ABCA4: variants seen among roughly 807,000 people sequenced by gnomAD.
The protein encoded by ABCA4 is retinal-specific phospholipid-transporting ATPase ABCA4.
A neutral mutation model predicts 263.7 loss-of-function variants in ABCA4; 196 were observed. The observed-to-expected ratio is 0.74, with a 90% confidence interval of 0.66 to 0.84. The LOEUF (loss-of-function observed/expected upper bound fraction) is 0.84. Among genes scored for constraint, ABCA4 ranks in the 40% least tolerant of loss-of-function variants. The pLI, the probability that ABCA4 is intolerant of heterozygous loss-of-function variation, is 0.00. For missense variants in ABCA4, 2,792 were observed against 2,855.1 expected, an observed-to-expected ratio of 0.98 and a Z score of 0.50; for synonymous variants, 1,133 against 1,094.2, an observed-to-expected ratio of 1.04 and a Z score of -0.70.
chr1:94,089,689 G>A (rs988909851), intron 6 of ABCA4, among the ~76,000 whole-genome samples: 3 of 151,814 alleles, frequency 2.0e-5, no homozygotes, highest in Non-Finnish European at 2.9e-5. Flanking sequence ...CTTGAACTCC[G>A]GACCTCAAGT....
At chr1:94,042,614 A>T in intron 22 of ABCA4, 147 bp downstream of exon 22, 1 of 1,131,256 alleles carries the variant, frequency 8.8e-7, no homozygotes, top group Non-Finnish European at 1.3e-6. Context: ...GCTGGAACTT[A>T]GATTCACCAA....
In ABCA4 at chr1:94,031,907, A is replaced by G. The variant is rs776428075; in HGVS notation, c.3999T>C (p.Pro1333=). ...GGCCTGGGCACTCTGGCTCTGGGGG[A>G]GGCTGGCCCTCTGGGTGAGCAGCCG... ...GAPAAHPEGQ[P]PPEPECPGPQ... Residue 1333 remains proline, a synonymous_variant, in exon 27 of 50, where the codon CCT becomes CCC. Transcript: ENST00000370225. 1 of 1,613,946 alleles carries G rather than the reference A, an allele frequency of 6.2e-7. No individual in the cohort carries two copies. Among genetic ancestry groups the G allele is most frequent in the African/African-American group, 1.3e-5 (1 of 74,890 alleles).
At chr1:94,062,828 C>A in intron 12 of ABCA4, 75 bp from the exon 13 acceptor site, 1 of 1,471,546 alleles carries the variant, frequency 6.8e-7, no homozygotes, top group Non-Finnish European at 9.4e-7. Context: ...CACAGGGTGA[C>A]TCGGAACTCA....
chr1:94,088,388 C>T (rs1415622317), intron 6 of ABCA4, among the ~76,000 whole-genome samples: 12 of 152,190 alleles, frequency 7.9e-5, no homozygotes, highest in Admixed American at 5.9e-4. Context: ...CCCGGATAGT[C>T]TCATTTCCTT....
At position 94,078,692 on chromosome 1, in the gene ABCA4, A is replaced by T. The variant is rs765907001; in HGVS notation, c.1254T>A (p.Phe418Leu). The change falls in exon 10 of 50, where the codon TTT becomes TTA. Residue 418 changes from phenylalanine to leucine, a missense_variant. Coordinates refer to ENST00000370225, the MANE Select transcript of ABCA4 (RefSeq NM_000350.3). Reference sequence around the variant, plus strand: ...ACTTCCTAACGTGTTCCAGTTCTTCAAAAGTTGAGTTGGCCTAAAACCAGA... The same window carrying T: ...ACTTCCTAACGTGTTCCAGTTCTTCTAAAGTTGAGTTGGCCTAAAACCAGA... ...RRILKNANST[F>L]EELEHVRKLV... 6.2e-7 allele frequency: 1 copy of T among 1,613,516 alleles called. No individual in the cohort carries two copies. Among genetic ancestry groups the T allele is most frequent in the South Asian group, 1.1e-5 (1 of 91,064 alleles).
Position 94,014,636 on chromosome 1 carries a change from G to A in ABCA4, c.5367C>T (p.Ser1789=). ...CACAAGATAAAGCCACATAGGCTGT[G>A]CTGGGGACATCAAACAGGAAGGATG... ...YPASFLFDVP[S]TAYVALSCAN... is the part of the protein sequence containing the mutation. The change falls in exon 38 of 50, where the codon AGC becomes AGT. Residue 1789 remains serine, a synonymous_variant. Transcript: ENST00000370225. The A allele has an allele frequency of 6.2e-7, 1 of 1,614,214 alleles. No individual in the cohort carries two copies. Among genetic ancestry groups the A allele is most frequent in the East Asian group, 2.2e-5 (1 of 44,884 alleles).
intron 4 of ABCA4, among the ~76,000 whole-genome samples, chr1:94,107,658 C>G (rs1319966215): frequency 6.6e-6 from 1 of 152,192 alleles, no homozygotes; most frequent in Non-Finnish European, 1.5e-5. Flanking sequence ...CCTGCACAAC[C>G]GTGGTGTCCG....
rs1278743459 is a variant in ABCA4, at chr1:94,042,829, T to C, written c.3260A>G (p.Glu1087Gly). The change falls in exon 22 of 50, where the codon GAA (glutamate) becomes GGA (glycine). Residue 1087 changes from glutamate (E) to glycine (G), a missense_variant. Glu to Gly is a moderately conservative substitution (Grantham distance 98, BLOSUM62 -2). Coordinates refer to ENST00000370225, the MANE Select transcript of ABCA4 (RefSeq NM_000350.3). ...GTAAGGGTCCACCCCAGAGGTGGGT[T>C]CGTCCAGAATCACCACCTTGGCATC... ...VGDAKVVILD[E>G]PTSGVDPYSR... 3 of 1,614,052 alleles carry C rather than the reference T, an allele frequency of 1.9e-6. No homozygotes were observed. Among genetic ancestry groups the C allele is most frequent in the Non-Finnish European group, 2.5e-6 (3 of 1,180,036 alleles).
chr1:94,089,361 A>G (rs997018044), intron 6 of ABCA4, among the ~76,000 whole-genome samples: 3 of 152,362 alleles, frequency 2.0e-5, no homozygotes, highest in African/African-American at 7.2e-5. Flanking sequence ...ATCCTCACTT[A>G]ATTCATCCAC....
chr1:94,002,125 C>A (rs893588979), intron 44 of ABCA4, 133 bp from the exon 45 acceptor site: 17 of 1,369,198 alleles, frequency 1.2e-5, no homozygotes, highest in Non-Finnish European at 1.6e-5. Flanking sequence ...CAGGCTCCTG[C>A]TGGCTCCTGT....
rs556341538 is a variant in ABCA4 at position 94,007,875 on chromosome 1, G to A, written c.5899-135C>T. The A allele has an allele frequency of 1.3e-3, 1,047 of 787,328 alleles. 1 individual carries two copies. Among genetic ancestry groups the A allele is most frequent in the Non-Finnish European group, 2.1e-3 (967 of 457,706 alleles). The allele number at this position is 787,328 out of a possible 1,614,324, so 48.8% of individuals were successfully genotyped here. ...TGCCATCAGAGGCCACGAGCCATATGTGGCTACTAAGCACTTGAAACACAT... is the reference window on the plus strand; with the variant it reads ...TGCCATCAGAGGCCACGAGCCATATATGGCTACTAAGCACTTGAAACACAT... On this transcript the variant is annotated intron_variant, in intron 42 of 49. Coordinates refer to ENST00000370225, the MANE Select transcript of ABCA4 (RefSeq NM_000350.3).
chr1:94,043,609 C>A, intron 20 of ABCA4, 134 bp from the exon 21 acceptor site: 1 of 1,259,172 alleles, frequency 7.9e-7, no homozygotes. Context: ...GTTTATGATA[C>A]AATACAAAAA....
At chr1:94,062,500 C>A in intron 13 of ABCA4, 77 bp downstream of exon 13, 1 of 1,553,712 alleles carries the variant, frequency 6.4e-7, no homozygotes, top group Non-Finnish European at 8.8e-7. Context: ...GCCTTGAGGG[C>A]ACCCCCAGCC....
At chr1:94,004,164 AAT>A (rs1212739300) in intron 44 of ABCA4, among the ~76,000 whole-genome samples, 2 of 152,158 alleles carry the variant, frequency 1.3e-5, no homozygotes, top group African/African-American at 4.8e-5. Context: ...CACACATGCA[AAT>A]ATATGTCTAT....
In ABCA4 at chr1:94,021,892, A is replaced by G; in HGVS notation, c.4727T>C (p.Leu1576Pro). 1 of 1,614,174 alleles carries G rather than the reference A, an allele frequency of 6.2e-7. No individual in the cohort carries two copies. The highest frequency in any genetic ancestry group is 8.5e-7 in the Non-Finnish European group (1 of 1,180,030). ...GCCAAGGTCGCTTAAAAACCCAACA[A>G]GTGCTTCCCCCGTGATGGGGACGAC... is the stretch of plus-strand genomic sequence containing the variant. ...LPVVPITGEALVGFLSDLGRI... is the reference protein window; with the variant it reads ...LPVVPITGEAPVGFLSDLGRI... Residue 1576 changes from leucine (L) to proline (P), a missense_variant, in exon 33 of 50, where the codon CTT becomes CCT. By Grantham distance (98) the Leu-to-Pro change is moderately conservative. Transcript: ENST00000370225.
chr1:94,000,300 T>A (rs1011982470), intron 47 of ABCA4, among the ~76,000 whole-genome samples: 1 of 152,264 alleles, frequency 6.6e-6, no homozygotes, highest in African/African-American at 2.4e-5. Context: ...TAATAAGGAA[T>A]TATCTACAAT....
At chr1:94,002,325 CT>C (rs1659213708) in intron 44 of ABCA4, among the ~76,000 whole-genome samples, 1 of 152,184 alleles carries the variant, frequency 6.6e-6, no homozygotes, top group Non-Finnish European at 1.5e-5. Context: ...GAGGAAGGCT[CT>C]GTTTGAGAAG....
rs1661572051 is a variant in ABCA4 at position 94,077,690 on chromosome 1, C to T, written c.1554G>A (p.Glu518=). 2 of 1,609,836 alleles carry T rather than the reference C, an allele frequency of 1.2e-6. No homozygotes were observed. The highest frequency in any genetic ancestry group is 1.7e-5 in the Admixed American group (1 of 59,790). Residue 518 remains glutamate (E), a splice_region_variant and synonymous_variant, in exon 11 of 50, where the codon GAG becomes GAA. Transcript: ENST00000370225. The stretch of plus-strand genomic sequence containing the variant: ...CACTGTGGGGCTTGCAGCCCCTTAC[C>T]TCCAGGTATTGATTGACCAGGCGGA... ...RTLRLVNQYL[E]CLVLDKFESY... is the part of the protein sequence containing the mutation.
Position 94,041,417 on chromosome 1 carries a change from C to T in ABCA4, c.3329-15G>A. On this transcript the variant is annotated splice_polypyrimidine_tract_variant and intron_variant, in intron 22 of 49. Coordinates refer to ENST00000370225, the MANE Select transcript of ABCA4 (RefSeq NM_000350.3). ...GATGGTTCTGCCTGCAAGGTAGGGG[C>T]CAGGGCAATCACCAGGCCTGCCCTG... 1 of 1,612,942 alleles carries T rather than the reference C, an allele frequency of 6.2e-7. No individual in the cohort carries two copies. The highest frequency in any genetic ancestry group is 8.5e-7 in the Non-Finnish European group (1 of 1,179,890).
Sources: allele counts gnomAD v4.1 joint callset (sites outside exome capture counted in the v4.1 genomes callset), GRCh38; gene constraint gnomAD v4.1.1; transcripts MANE v1.5; gene names NCBI Gene and HGNC (gene_info 2026-07-23, HGNC 2026-07-21).